The following SLC24A2 variants were observed in gnomAD, a reference collection of about 807,000 sequenced individuals.
SLC24A2 encodes solute carrier family 24 member 2.
SLC24A2 carries 36 observed loss-of-function variants against 62.0 expected under a neutral mutation model. The observed-to-expected ratio is 0.58, with a 90% CI of 0.44 to 0.77. The LOEUF (loss-of-function observed/expected upper bound fraction) is 0.77, where lower values mean the gene tolerates loss of function less well. SLC24A2 is among the 30% of genes least tolerant of loss of function. The pLI, the probability that SLC24A2 is intolerant of heterozygous loss-of-function variation, is 0.00. For synonymous variants in SLC24A2, 358 were observed against 294.0 expected (o/e 1.22, Z -2.23); for missense variants, 846 against 817.9 (o/e 1.03, Z -0.42).
chr9:20,068,333 A>T, the SLC24A2 span, among the ~76,000 whole-genome samples: 3 of 152,084 alleles, frequency 2.0e-5, no homozygotes, highest in Non-Finnish European at 4.4e-5. Context: ...AAGTGCCGGA[A>T]TTACAGGTGT....
At chr9:19,532,349 G>C (rs1379359277) in intron 8 of SLC24A2, among the ~76,000 whole-genome samples, 2 of 152,126 alleles carry the variant, frequency 1.3e-5, no homozygotes, top group South Asian at 2.1e-4. Context: ...TCCTGCCTCG[G>C]CTTCCCAAAG....
chr9:19,903,500 T>C, the SLC24A2 span, among the ~76,000 whole-genome samples: 1 of 152,144 alleles, frequency 6.6e-6, no homozygotes. Context: ...AACACAAACA[T>C]GCAGTCCATA....
At chr9:19,729,389 A>C (rs1821268676) in intron 2 of SLC24A2, among the ~76,000 whole-genome samples, 1 of 152,218 alleles carries the variant, frequency 6.6e-6, no homozygotes, top group African/African-American at 2.4e-5. Context: ...AAAGAAAGGA[A>C]AGAAGTGTAT....
intron 2 of SLC24A2, among the ~76,000 whole-genome samples, chr9:19,664,022 C>T (rs1434931746): frequency 6.6e-6 from 1 of 152,220 alleles, no homozygotes; most frequent in African/African-American, 2.4e-5. Flanking sequence ...TGTGGTGCCT[C>T]GCCTTGAAAT....
intron 7 of SLC24A2, among the ~76,000 whole-genome samples, chr9:19,557,085 G>A (rs1835129357): frequency 6.6e-6 from 1 of 152,106 alleles, no homozygotes; most frequent in Non-Finnish European, 1.5e-5. Flanking sequence ...GTGACCTGCT[G>A]AACAAAAGTG....
At chr9:19,878,444 AT>A in the SLC24A2 span, among the ~76,000 whole-genome samples, 138 of 152,318 alleles carry the variant, frequency 9.1e-4, no homozygotes, top group Admixed American at 1.6e-3. Flanking sequence ...CAGAATAGAA[AT>A]AATTAAAAAC....
At chr9:19,766,766 A>C (rs1047348259) in intron 2 of SLC24A2, among the ~76,000 whole-genome samples, 5 of 152,184 alleles carry the variant, frequency 3.3e-5, no homozygotes, top group African/African-American at 1.2e-4. Context: ...AGAAGGCATG[A>C]GGGTCAGCGA....
the SLC24A2 span, among the ~76,000 whole-genome samples, chr9:19,830,795 T>C: frequency 6.6e-6 from 1 of 152,136 alleles, no homozygotes; most frequent in East Asian, 1.9e-4. Context: ...ACTGAATGAA[T>C]GGTGTATGCC....
At chr9:20,144,952 A>G in the SLC24A2 span, among the ~76,000 whole-genome samples, 1 of 152,172 alleles carries the variant, frequency 6.6e-6, no homozygotes, top group Non-Finnish European at 1.5e-5. Context: ...CTTCCAAAGA[A>G]GGATAATAGA....
chr9:19,981,432 G>A, the SLC24A2 span, among the ~76,000 whole-genome samples: 1 of 152,020 alleles, frequency 6.6e-6, no homozygotes, highest in East Asian at 1.9e-4. Context: ...AAGCAAACAC[G>A]GCAAAGCATA....
chr9:19,964,863 G>A, the SLC24A2 span, among the ~76,000 whole-genome samples: 6 of 152,280 alleles, frequency 3.9e-5, no homozygotes, highest in East Asian at 1.2e-3. Flanking sequence ...GGGATAAAGG[G>A]CTTCAGCTTC....
chr9:19,623,472 T>A (rs1817959180), intron 2 of SLC24A2, among the ~76,000 whole-genome samples: 1 of 152,204 alleles, frequency 6.6e-6, no homozygotes, highest in Admixed American at 6.5e-5. Context: ...TGTCCCCACA[T>A]CTCATCTAAA....
At chr9:19,636,336 T>C (rs1207082513) in intron 2 of SLC24A2, among the ~76,000 whole-genome samples, 7 of 33,500 alleles carry the variant, frequency 2.1e-4, no homozygotes, top group African/African-American at 1.1e-3. Context: ...TCTTTCTTTC[T>C]TTCTTTCTTT....
intron 8 of SLC24A2, among the ~76,000 whole-genome samples, chr9:19,548,945 G>C (rs1409126761): frequency 6.6e-6 from 1 of 152,288 alleles, no homozygotes; most frequent in African/African-American, 2.4e-5. Flanking sequence ...ATGAGTTTGT[G>C]TGTGTGGTCC....
the SLC24A2 span, among the ~76,000 whole-genome samples, chr9:20,088,986 A>G: frequency 6.6e-6 from 1 of 152,146 alleles, no homozygotes; most frequent in African/African-American, 2.4e-5. Flanking sequence ...TGGTCAGACT[A>G]TTATGTGGGT....
chr9:19,851,788 C>G, the SLC24A2 span, among the ~76,000 whole-genome samples: 3 of 152,144 alleles, frequency 2.0e-5, no homozygotes, highest in Admixed American at 6.5e-5. Context: ...TTGCAATGAA[C>G]ATACAAGTGC....
the SLC24A2 span, among the ~76,000 whole-genome samples, chr9:20,109,161 C>A: frequency 6.6e-6 from 1 of 152,090 alleles, no homozygotes; most frequent in East Asian, 1.9e-4. Flanking sequence ...GGTTTGGGTA[C>A]GTATACTCTC....
At chr9:20,262,936 C>T in the SLC24A2 span, among the ~76,000 whole-genome samples, 1 of 152,032 alleles carries the variant, frequency 6.6e-6, no homozygotes, top group South Asian at 2.1e-4. Flanking sequence ...GTGTTTTATT[C>T]TTCCCAATGC....
the SLC24A2 span, among the ~76,000 whole-genome samples, chr9:19,849,899 G>A: frequency 6.6e-6 from 1 of 152,278 alleles, no homozygotes; most frequent in South Asian, 2.1e-4. Flanking sequence ...AATGGTCGTT[G>A]TGAAATAAAA....
Sources: allele counts gnomAD v4.1 joint callset (sites outside exome capture counted in the v4.1 genomes callset), GRCh38; gene constraint gnomAD v4.1.1; transcripts MANE v1.5; gene names NCBI Gene and HGNC (gene_info 2026-07-23, HGNC 2026-07-21).